The following HEMK2 variants were observed in gnomAD, a reference collection of about 807,000 sequenced individuals.
HEMK2 encodes the protein methyltransferase HEMK2.
the HEMK2 span, among the ~76,000 whole-genome samples, chr21:28,690,645 C>T: frequency 6.6e-6 from 1 of 152,232 alleles, no homozygotes; most frequent in East Asian, 1.9e-4. Flanking sequence ...TGCCCCAACT[C>T]AAATGCAGCC....
At chr21:28,691,755 T>G in the HEMK2 span, among the ~76,000 whole-genome samples, 9 of 152,170 alleles carry the variant, frequency 5.9e-5, no homozygotes, top group African/African-American at 2.2e-4. Flanking sequence ...TGTCAGAATA[T>G]AAAGCTTGGA....
chr21:28,885,219 G>A, the HEMK2 span: 3 of 1,579,154 alleles, frequency 1.9e-6, no homozygotes, highest in Non-Finnish European at 2.6e-6. Flanking sequence ...CACCCTGCCA[G>A]TTCGGCAGCC....
At chr21:28,865,153 T>C in the HEMK2 span, among the ~76,000 whole-genome samples, 1 of 152,068 alleles carries the variant, frequency 6.6e-6, no homozygotes, top group African/African-American at 2.4e-5. Flanking sequence ...TCTTTTAGTT[T>C]TTCTTTTGTT....
chr21:28,732,228 G>C, the HEMK2 span, among the ~76,000 whole-genome samples: 3 of 152,192 alleles, frequency 2.0e-5, no homozygotes, highest in East Asian at 5.8e-4. Flanking sequence ...AAGATTTCAT[G>C]TCCTGTGTTA....
chr21:28,640,795 C>A, the HEMK2 span, among the ~76,000 whole-genome samples: 1 of 152,204 alleles, frequency 6.6e-6, no homozygotes, highest in Non-Finnish European at 1.5e-5. Context: ...TCCTCCAACA[C>A]CCTGCCTTTT....
chr21:28,764,696 T>G, the HEMK2 span, among the ~76,000 whole-genome samples: 5 of 152,224 alleles, frequency 3.3e-5, no homozygotes, highest in African/African-American at 1.2e-4. Flanking sequence ...TGATAACTCC[T>G]TTTTTATAAC....
At chr21:28,750,943 T>G in the HEMK2 span, among the ~76,000 whole-genome samples, 1 of 152,012 alleles carries the variant, frequency 6.6e-6, no homozygotes, top group Non-Finnish European at 1.5e-5. Flanking sequence ...TAAGATACAT[T>G]AGTTCGGCCA....
the HEMK2 span, among the ~76,000 whole-genome samples, chr21:28,618,390 T>C: frequency 3.3e-5 from 5 of 152,226 alleles, no homozygotes; most frequent in African/African-American, 1.2e-4. Context: ...TACCATGCAC[T>C]TAATCTTTGA....
At chr21:28,689,345 C>T in the HEMK2 span, among the ~76,000 whole-genome samples, 1 of 152,102 alleles carries the variant, frequency 6.6e-6, no homozygotes, top group Non-Finnish European at 1.5e-5. Flanking sequence ...CAAGAATTTA[C>T]TTTTTTATAC....
chr21:28,768,097 G>A, the HEMK2 span, among the ~76,000 whole-genome samples: 1 of 152,026 alleles, frequency 6.6e-6, no homozygotes. Context: ...ATATCTCTGA[G>A]AGGCTGAGAT....
the HEMK2 span, chr21:28,879,868 A>C: frequency 6.4e-7 from 1 of 1,557,016 alleles, no homozygotes; most frequent in Non-Finnish European, 8.6e-7. Context: ...TGTATGTTTT[A>C]CCTCTTGAGG....
the HEMK2 span, among the ~76,000 whole-genome samples, chr21:28,714,762 G>C: frequency 2.0e-5 from 3 of 152,156 alleles, no homozygotes; most frequent in African/African-American, 7.2e-5. Flanking sequence ...AGGGAGCATA[G>C]TACTCAATAG....
At chr21:28,819,770 G>T in the HEMK2 span, among the ~76,000 whole-genome samples, 1 of 151,734 alleles carries the variant, frequency 6.6e-6, no homozygotes, top group Admixed American at 6.6e-5. Flanking sequence ...GGATGGTCTC[G>T]ATCTTTTGAC....
the HEMK2 span, among the ~76,000 whole-genome samples, chr21:28,673,062 AAAG>A: frequency 2.6e-5 from 4 of 151,600 alleles, no homozygotes; most frequent in African/African-American, 4.8e-5. Flanking sequence ...GAAAGAAAGA[AAAG>A]AGAAGAGAGA....
chr21:28,747,481 G>A, the HEMK2 span, among the ~76,000 whole-genome samples: 1 of 152,142 alleles, frequency 6.6e-6, no homozygotes, highest in Non-Finnish European at 1.5e-5. Flanking sequence ...TTAATTTGGG[G>A]GATCCTGTGC....
the HEMK2 span, among the ~76,000 whole-genome samples, chr21:28,799,276 C>G: frequency 2.3e-4 from 35 of 152,282 alleles, 1 homozygote; most frequent in Middle Eastern, 6.8e-3. Flanking sequence ...TGGTGGCAAA[C>G]AAGAGAAGAG....
chr21:28,861,312 A>G, the HEMK2 span, among the ~76,000 whole-genome samples: 3 of 152,262 alleles, frequency 2.0e-5, no homozygotes, highest in Non-Finnish European at 4.4e-5. Context: ...AGCAGCAATC[A>G]GAATAGTCTG....
At chr21:28,879,880 G>A in the HEMK2 span, 1 of 1,577,684 alleles carries the variant, frequency 6.3e-7, no homozygotes, top group South Asian at 1.2e-5. Context: ...CTCTTGAGGT[G>A]GAGTCACTAC....
At chr21:28,706,102 T>C in the HEMK2 span, among the ~76,000 whole-genome samples, 1 of 152,236 alleles carries the variant, frequency 6.6e-6, no homozygotes. Flanking sequence ...TTATTCTACC[T>C]ACCACACCAC....
Sources: gnomAD v4.1 joint callset for allele counts (sites outside exome capture counted in the v4.1 genomes callset) on GRCh38, gnomAD v4.1.1 for gene constraint, MANE v1.5 for transcripts, NCBI Gene and HGNC (gene_info 2026-07-23, HGNC 2026-07-21) for gene names.